RFX7: variants seen among roughly 807,000 people sequenced by gnomAD.
RFX7 encodes DNA-binding protein RFX7.
RFX7 carries 26 observed loss-of-function variants against 111.8 expected under a neutral mutation model. The observed-to-expected ratio is 0.23, with a 90% CI of 0.17 to 0.32. The LOEUF is 0.32. Ranked by LOEUF, RFX7 falls within the 10% of genes least tolerant of loss-of-function variation. The pLI, the probability that RFX7 is intolerant of heterozygous loss-of-function variation, is 1.00. For synonymous variants in RFX7, 624 were observed against 624.4 expected (o/e 1.00, Z 0.01); for missense variants, 1,573 against 1,772.9 (o/e 0.89, Z 2.02).
At chr15:56,181,216 C>G (rs1385104985) in intron 2 of RFX7, among the ~76,000 whole-genome samples, 2 of 152,228 alleles carry the variant, frequency 1.3e-5, no homozygotes, top group African/African-American at 4.8e-5. Context: ...TCCGTGATAG[C>G]TCCGCGGCAG....
At chr15:56,175,578 C>T (rs971302015) in intron 3 of RFX7, among the ~76,000 whole-genome samples, 6 of 152,174 alleles carry the variant, frequency 3.9e-5, no homozygotes, top group African/African-American at 1.2e-4. Context: ...CCTAGAAAAA[C>T]ACCCACATAT....
At chr15:56,130,408 C>T (rs1054472255) in intron 5 of RFX7, among the ~76,000 whole-genome samples, 1 of 150,074 alleles carries the variant, frequency 6.7e-6, no homozygotes, top group African/African-American at 2.4e-5. Flanking sequence ...AATAAACCCT[C>T]AAACACCTGA....
intron 8 of RFX7, among the ~76,000 whole-genome samples, chr15:56,100,828 T>G (rs1465915568): frequency 1.3e-5 from 2 of 152,204 alleles, no homozygotes; most frequent in Non-Finnish European, 2.9e-5. Flanking sequence ...AAAATAGTCA[T>G]GAATACACAG....
chr15:56,134,149 C>T (rs1277431821), intron 5 of RFX7, among the ~76,000 whole-genome samples: 1 of 152,146 alleles, frequency 6.6e-6, no homozygotes, highest in Non-Finnish European at 1.5e-5. Context: ...CTCATGAAAT[C>T]TGAGTTCTAG....
chr15:56,204,285 T>C (rs1355948057), intron 2 of RFX7, among the ~76,000 whole-genome samples: 4 of 152,124 alleles, frequency 2.6e-5, no homozygotes, highest in Non-Finnish European at 2.9e-5. Flanking sequence ...TCCCAAAGTG[T>C]TGGGATTATG....
chr15:56,115,972 T>C (rs2042004461), intron 5 of RFX7, among the ~76,000 whole-genome samples: 1 of 151,544 alleles, frequency 6.6e-6, no homozygotes, highest in South Asian at 2.1e-4. Context: ...TAACTGCATA[T>C]AAAATGTCCA....
intron 2 of RFX7, among the ~76,000 whole-genome samples, chr15:56,219,376 T>A (rs187326656): frequency 5.1e-4 from 77 of 152,322 alleles, no homozygotes; most frequent in African/African-American, 1.8e-3. Context: ...AATATTTTTT[T>A]AACTTTTATT....
Position 56,096,093 on chromosome 15 carries a change from T to G in RFX7, c.1635A>C (p.Ser545=). 6.2e-7 allele frequency: 1 copy of G among 1,613,746 alleles called. No homozygotes were observed. Among genetic ancestry groups the G allele is most frequent in the Non-Finnish European group, 8.5e-7 (1 of 1,179,814 alleles). ...VEVKVEPETS[S]DEHPVQCQEN... The stretch of plus-strand genomic sequence containing the variant: ...CTTGGCACTGTACAGGATGCTCATC[T>G]GATGATGTTTCGGGTTCCACTTTGA... Residue 545 remains serine, a synonymous_variant, in exon 10 of 10, where the codon TCA becomes TCC. Transcript: ENST00000559447.
intron 5 of RFX7, among the ~76,000 whole-genome samples, chr15:56,140,593 G>T (rs2042378798): frequency 6.6e-6 from 1 of 152,136 alleles, no homozygotes; most frequent in African/African-American, 2.4e-5. Flanking sequence ...ACTCAGGCCG[G>T]AGCTGTTCCT....
intron 4 of RFX7, among the ~76,000 whole-genome samples, chr15:56,143,841 A>C (rs755588535): frequency 2.0e-5 from 3 of 152,196 alleles, no homozygotes; most frequent in Non-Finnish European, 4.4e-5. Context: ...TCTGAGAAAT[A>C]CTTAAAAGGT....
At chr15:56,135,438 C>G (rs1480556259) in intron 5 of RFX7, among the ~76,000 whole-genome samples, 7 of 152,046 alleles carry the variant, frequency 4.6e-5, no homozygotes, top group African/African-American at 1.7e-4. Context: ...TGTTCATGTC[C>G]TTCACCCACT....
In RFX7 at chr15:56,243,513, C is replaced by G. The variant is rs1267166685; in HGVS notation, c.-71G>C. On this transcript the variant is annotated 5_prime_UTR_variant, in exon 1 of 10. Coordinates refer to ENST00000559447, the MANE Select transcript of RFX7 (RefSeq NM_022841.7). The stretch of plus-strand genomic sequence containing the variant: ...ATCACCGGGGAGACCAGCGGCTCCT[C>G]ACGGCCGGGGCGCTTCACCGCGGGA... 11 of 984,860 alleles carry G rather than the reference C, an allele frequency of 1.1e-5. No homozygotes were observed. The highest frequency in any genetic ancestry group is 1.3e-5 in the Non-Finnish European group (11 of 829,728). 61.0% of individuals were successfully genotyped at this position (984,860 alleles called of 1,614,324 possible).
intron 2 of RFX7, among the ~76,000 whole-genome samples, chr15:56,188,825 A>C (rs922420417): frequency 6.6e-6 from 1 of 152,144 alleles, no homozygotes; most frequent in Non-Finnish European, 1.5e-5. Context: ...CAGAAGCAAT[A>C]AACATTTTTT....
intron 5 of RFX7, among the ~76,000 whole-genome samples, chr15:56,122,949 C>T (rs181373102): frequency 1.6e-4 from 24 of 151,890 alleles, no homozygotes; most frequent in African/African-American, 5.6e-4. Context: ...AGATGGTATT[C>T]GAGAAATACC....
chr15:56,224,722 T>C (rs11634689), intron 2 of RFX7, among the ~76,000 whole-genome samples: 19,760 of 152,058 alleles, frequency 0.13, 1,685 homozygotes, highest in East Asian at 0.44. Flanking sequence ...AGTAGTAACT[T>C]CTATTTTCAC....
intron 3 of RFX7, among the ~76,000 whole-genome samples, chr15:56,160,354 T>G (rs974021606): frequency 9.2e-5 from 14 of 151,954 alleles, no homozygotes; most frequent in Admixed American, 3.9e-4. Flanking sequence ...GTAAAAAGTT[T>G]TTTTTTTTTT....
At chr15:56,114,652 C>G (rs2041984861) in intron 5 of RFX7, among the ~76,000 whole-genome samples, 1 of 151,692 alleles carries the variant, frequency 6.6e-6, no homozygotes, top group Non-Finnish European at 1.5e-5. Flanking sequence ...AACAATATAT[C>G]TGAAAGATTA....
chr15:56,193,185 G>A, intron 2 of RFX7: 1 of 199,156 alleles, frequency 5.0e-6, no homozygotes, highest in South Asian at 1.1e-4. Flanking sequence ...ACCATCATGT[G>A]CTTGATGATG....
chr15:56,109,815 G>A (rs1302650598), intron 5 of RFX7, among the ~76,000 whole-genome samples: 30 of 150,772 alleles, frequency 2.0e-4, no homozygotes, highest in African/African-American at 6.6e-4. Flanking sequence ...CCCAGCAGCC[G>A]CCCTGTCTGA....
Sources: gnomAD v4.1 joint callset for allele counts (sites outside exome capture counted in the v4.1 genomes callset) on GRCh38, gnomAD v4.1.1 for gene constraint, MANE v1.5 for transcripts, NCBI Gene and HGNC (gene_info 2026-07-23, HGNC 2026-07-21) for gene names.